SBF2: variants seen among roughly 807,000 people sequenced by gnomAD.
The protein encoded by SBF2 is myotubularin-related protein 13.
Under a neutral mutation model 225.2 loss-of-function variants are expected in SBF2, and 112 were observed. The ratio of observed to expected loss-of-function variants is 0.50; its 90% CI spans 0.43 to 0.58. SBF2 has a LOEUF of 0.58. Among genes scored for constraint, SBF2 ranks in the 20% least tolerant of loss-of-function variants. The pLI is 0.00. For missense variants in SBF2, 1,996 were observed against 2,206.2 expected (o/e 0.90, Z 1.91); for synonymous variants, 763 against 773.3 (o/e 0.99, Z 0.22).
At chr11:9,993,370 A>G (rs1430206412) in intron 10 of SBF2, among the ~76,000 whole-genome samples, 1 of 149,332 alleles carries the variant, frequency 6.7e-6, no homozygotes, top group Non-Finnish European at 1.5e-5. Flanking sequence ...AATGAAGGTC[A>G]AGAATGCTTA....
intron 3 of SBF2, 70 bp from the exon 4 acceptor site, chr11:10,031,240 T>C (rs1383327946): frequency 7.0e-7 from 1 of 1,427,574 alleles, no homozygotes; most frequent in Non-Finnish European, 9.8e-7. Context: ...AAAAGATGAA[T>C]ATCACCTTAA....
At chr11:9,919,270 C>CT (rs779718076) in intron 16 of SBF2, among the ~76,000 whole-genome samples, 118 of 139,926 alleles carry the variant, frequency 8.4e-4, no homozygotes, top group Middle Eastern at 3.7e-3. Context: ...TCTTCTTCTT[C>CT]TTTTTTTTTT....
chr11:10,089,031 GC>G, intron 2 of SBF2, among the ~76,000 whole-genome samples: 1 of 152,210 alleles, frequency 6.6e-6, no homozygotes, highest in Middle Eastern at 3.4e-3. Context: ...CCTGGGTCCT[GC>G]CCTCCTCCAA....
chr11:10,283,642 CAT>C (rs1963561294), intron 1 of SBF2, among the ~76,000 whole-genome samples: 2 of 150,586 alleles, frequency 1.3e-5, no homozygotes, highest in African/African-American at 4.9e-5. Context: ...AAAGTAAAGG[CAT>C]ATAAAATTAA....
chr11:9,830,592 T>C (rs1855328278), intron 27 of SBF2, among the ~76,000 whole-genome samples: 1 of 151,768 alleles, frequency 6.6e-6, no homozygotes, highest in Non-Finnish European at 1.5e-5. Flanking sequence ...ATACAAAAAT[T>C]AGCTGGGTGT....
chr11:10,120,982 T>A (rs1416396384), intron 2 of SBF2, among the ~76,000 whole-genome samples: 1 of 152,002 alleles, frequency 6.6e-6, no homozygotes, highest in Admixed American at 6.6e-5. Context: ...GCAAGGCTGG[T>A]CTCGAACTCC....
upstream of SBF2, among the ~76,000 whole-genome samples, chr11:10,298,234 C>T (rs1475577034): frequency 6.6e-6 from 1 of 151,950 alleles, no homozygotes; most frequent in Non-Finnish European, 1.5e-5. Context: ...CTACTAAAAA[C>T]ACAAAAATTA....
chr11:10,142,684 A>G (rs1369069627), intron 2 of SBF2, among the ~76,000 whole-genome samples: 4 of 152,220 alleles, frequency 2.6e-5, no homozygotes, highest in African/African-American at 9.6e-5. Flanking sequence ...TGAAGTCACC[A>G]TTCTCTACAG....
intron 3 of SBF2, among the ~76,000 whole-genome samples, chr11:10,033,347 A>T (rs1189216409): frequency 6.6e-6 from 1 of 152,142 alleles, no homozygotes; most frequent in Non-Finnish European, 1.5e-5. Context: ...CCATTTACTA[A>T]CTTTGACCAA....
intron 16 of SBF2, among the ~76,000 whole-genome samples, chr11:9,921,549 A>G (rs995347712): frequency 2.6e-5 from 4 of 152,222 alleles, no homozygotes; most frequent in African/African-American, 7.2e-5. Context: ...TATGGCCTTG[A>G]AACATTCTAA....
chr11:9,905,961 T>C (rs764792671), intron 16 of SBF2, among the ~76,000 whole-genome samples: 3 of 151,454 alleles, frequency 2.0e-5, no homozygotes, highest in Non-Finnish European at 4.4e-5. Flanking sequence ...AGTCAGGCCA[T>C]GTAGGAAAAC....
Position 9,928,930 on chromosome 11 carries a change from T to C in SBF2, c.1861-32919A>G, listed in dbSNP as rs73402415. ...TTAGATAAAAATTAAATTCAAGCAA[T>C]TTTCTTGTTCGAGTTCAAAACGGGT... On this transcript the variant is annotated intron_variant, in intron 16 of 39. Coordinates refer to ENST00000256190, the MANE Select transcript of SBF2 (RefSeq NM_030962.4). The C allele has an allele frequency of 5.7e-3, 2,409 of 421,920 alleles. 49 individuals are homozygous for C. Among genetic ancestry groups the C allele is most frequent in the African/African-American group, 0.045 (2,207 of 48,650 alleles). The allele number at this position is 421,920 out of a possible 1,614,324, so 26.1% of individuals were successfully genotyped here.
intron 2 of SBF2, among the ~76,000 whole-genome samples, chr11:10,053,266 A>T (rs2134722854): frequency 6.6e-6 from 1 of 152,252 alleles, no homozygotes; most frequent in East Asian, 1.9e-4. Flanking sequence ...TACTATATAA[A>T]TATTTCCAGA....
At chr11:10,060,052 T>C (rs1950375102) in intron 2 of SBF2, among the ~76,000 whole-genome samples, 1 of 151,848 alleles carries the variant, frequency 6.6e-6, no homozygotes, top group Non-Finnish European at 1.5e-5. Flanking sequence ...TGAAGGACAC[T>C]GAGACACAAA....
chr11:10,262,753 C>T (rs1436899055), intron 1 of SBF2, among the ~76,000 whole-genome samples: 1 of 152,058 alleles, frequency 6.6e-6, no homozygotes, highest in Non-Finnish European at 1.5e-5. Flanking sequence ...AACCAAGTAT[C>T]CTTGATTTTT....
At chr11:10,270,994 CAAAAAAAAAAA>C (rs1180184303) in intron 1 of SBF2, among the ~76,000 whole-genome samples, 14 of 27,692 alleles carry the variant, frequency 5.1e-4, no homozygotes, top group Non-Finnish European at 6.0e-4. Flanking sequence ...GACTCTGTCT[CAAAAAAAAAAA>C]AAAAAAAAAA....
At chr11:10,053,862 G>T (rs945908392) in intron 2 of SBF2, among the ~76,000 whole-genome samples, 1 of 151,880 alleles carries the variant, frequency 6.6e-6, no homozygotes, top group South Asian at 2.1e-4. Flanking sequence ...TGAGGGTGCA[G>T]AGAGCTGTGA....
chr11:10,171,051 C>T (rs1245521069), intron 2 of SBF2, among the ~76,000 whole-genome samples: 1 of 152,066 alleles, frequency 6.6e-6, no homozygotes, highest in Non-Finnish European at 1.5e-5. Context: ...GAAGTGTTTA[C>T]ATTTTTCCAG....
chr11:9,917,333 G>C (rs1244882150), intron 16 of SBF2, among the ~76,000 whole-genome samples: 1 of 150,764 alleles, frequency 6.6e-6, no homozygotes, highest in Non-Finnish European at 1.5e-5. Flanking sequence ...AAGTTTTTTT[G>C]TTTTTGTTTT....
Sources: gnomAD v4.1 joint callset for allele counts (sites outside exome capture counted in the v4.1 genomes callset) on GRCh38, gnomAD v4.1.1 for gene constraint, MANE v1.5 for transcripts, NCBI Gene and HGNC (gene_info 2026-07-23, HGNC 2026-07-21) for gene names.